The following DGLUCY variants were observed in gnomAD, a reference collection of about 807,000 sequenced individuals.
DGLUCY encodes the protein D-glutamate cyclase.
DGLUCY carries 58 observed loss-of-function variants against 58.5 expected under a neutral mutation model. That is an observed-to-expected ratio of 0.99 (90% CI 0.80 to 1.23). The LOEUF (loss-of-function observed/expected upper bound fraction) is 1.23. DGLUCY is among the 50% of genes most tolerant of loss of function. The pLI is 0.00. For missense variants in DGLUCY, 779 were observed against 784.7 expected (o/e 0.99, Z 0.09); for synonymous variants, 325 against 314.1 (o/e 1.03, Z -0.37).
chr14:91,116,394 T>C (rs761835524), intron 1 of DGLUCY, among the ~76,000 whole-genome samples: 1 of 152,224 alleles, frequency 6.6e-6, no homozygotes, highest in Non-Finnish European at 1.5e-5. Context: ...TGACTGCCCT[T>C]GGTCCTTCAG....
chr14:91,098,273 A>G (rs964598709), intron 1 of DGLUCY, among the ~76,000 whole-genome samples: 2 of 152,076 alleles, frequency 1.3e-5, no homozygotes, highest in African/African-American at 4.8e-5. Context: ...CCTGGGCAAC[A>G]TGGTGGGACC....
At chr14:91,210,954 T>C (rs1270112640) in intron 12 of DGLUCY, among the ~76,000 whole-genome samples, 1 of 152,174 alleles carries the variant, frequency 6.6e-6, no homozygotes, top group African/African-American at 2.4e-5. Flanking sequence ...TGATTGTCTG[T>C]GTAGAAAATT....
At chr14:91,139,550 T>C (rs2046532307) in intron 1 of DGLUCY, among the ~76,000 whole-genome samples, 1 of 152,182 alleles carries the variant, frequency 6.6e-6, no homozygotes, top group South Asian at 2.1e-4. Context: ...CTGGATGTGG[T>C]GGCTTGTGCC....
chr14:91,146,651 T>C (rs911730378), intron 1 of DGLUCY, among the ~76,000 whole-genome samples: 5 of 152,278 alleles, frequency 3.3e-5, no homozygotes, highest in African/African-American at 1.2e-4. Flanking sequence ...AAGACAAGGC[T>C]GATGCGGCTA....
rs757192393 is a variant in DGLUCY at position 91,176,061 on chromosome 14, G to A, written c.730+5G>A. On this transcript the variant is annotated splice_donor_5th_base_variant and intron_variant, in intron 7 of 13. Transcript: ENST00000256324. ...TCGGAGCTGTCAGCAGCTGTGGTAC[G>A]TTGGGGGATAATGGGACAATCGATC... 3 of 1,613,620 alleles carry A rather than the reference G, an allele frequency of 1.9e-6. No homozygotes were observed. Among genetic ancestry groups the A allele is most frequent in the South Asian group, 2.2e-5 (2 of 91,060 alleles).
chr14:91,090,466 G>A (rs924077056), intron 1 of DGLUCY, among the ~76,000 whole-genome samples: 5 of 152,032 alleles, frequency 3.3e-5, no homozygotes, highest in Non-Finnish European at 7.4e-5. Flanking sequence ...CATGACTTTG[G>A]CCATAAGCAT....
chr14:91,069,454 A>G (rs2043879654), intron 1 of DGLUCY, among the ~76,000 whole-genome samples: 1 of 151,436 alleles, frequency 6.6e-6, no homozygotes, highest in Admixed American at 6.6e-5. Flanking sequence ...TTTTTTTTGT[A>G]TTTTTAGTAG....
intron 1 of DGLUCY, among the ~76,000 whole-genome samples, chr14:91,097,328 G>A (rs1052552075): frequency 2.6e-5 from 4 of 152,138 alleles, no homozygotes; most frequent in African/African-American, 9.7e-5. Flanking sequence ...GCCAGGAGGT[G>A]GAGGTTGCAG....
intron 3 of DGLUCY, among the ~76,000 whole-genome samples, chr14:91,163,245 G>C (rs1286928747): frequency 6.6e-6 from 1 of 152,030 alleles, no homozygotes; most frequent in African/African-American, 2.4e-5. Context: ...GGGCGACAGA[G>C]TGAGACTCCG....
intron 12 of DGLUCY, among the ~76,000 whole-genome samples, chr14:91,211,825 G>C (rs1445141191): frequency 7.8e-6 from 1 of 127,632 alleles, no homozygotes; most frequent in African/African-American, 3.0e-5. Flanking sequence ...GATTGAGACT[G>C]TGTCTTGCTT....
chr14:91,060,730 C>T, intron 1 of DGLUCY: 1 of 280,212 alleles, frequency 3.6e-6, no homozygotes, highest in Non-Finnish European at 6.7e-6. Context: ...GAGCCGCCTT[C>T]GCTGATTGGA....
chr14:91,095,643 G>A lies in DGLUCY; in HGVS notation c.-82+34939G>A, dbSNP rs549086307. ...CTGGAGAAGCTATTCCCAAGGCAAA[G>A]AACAAAGACTTGCAATTATTTATAG... On this transcript the variant is annotated intron_variant, in intron 1 of 4. Coordinates refer to the DGLUCY transcript ENST00000521334. Among the ~76,000 whole-genome samples the A allele has an allele frequency of 2.0e-5, 3 of 152,276 alleles. No homozygotes were observed. The East Asian group carries it at 5.8e-4, about 29-fold the overall frequency.
At position 91,181,344 on chromosome 14, in the gene DGLUCY, T is replaced by G. The variant is rs758928845; in HGVS notation, c.889T>G (p.Ser297Ala). 2 of 1,614,058 alleles carry G rather than the reference T, an allele frequency of 1.2e-6. No individual in the cohort carries two copies. Among genetic ancestry groups the G allele is most frequent in the Non-Finnish European group, 1.7e-6 (2 of 1,180,028 alleles). The part of the protein sequence containing the change: ...LHYSIASVSA[S>A]QKIRELESMI... ...CTACAGCATCGCGTCAGTCTCTGCT[T>G]CTCAGAAGATCAGAGAACTAGAGTC... The change falls in exon 8 of 14, where the codon TCT becomes GCT. Residue 297 changes from serine (S) to alanine (A), a missense_variant. Transcript: ENST00000256324.
chr14:91,209,275 AC>A (rs1368243255), intron 12 of DGLUCY, among the ~76,000 whole-genome samples: 1 of 151,960 alleles, frequency 6.6e-6, no homozygotes, highest in African/African-American at 2.4e-5. Context: ...AACAACAACA[AC>A]GACGACAAAA....
At chr14:91,061,104 A>T (rs893367394) in intron 1 of DGLUCY, among the ~76,000 whole-genome samples, 1 of 152,118 alleles carries the variant, frequency 6.6e-6, no homozygotes, top group Admixed American at 6.5e-5. Context: ...ATCACCGTGG[A>T]CAGAGGAGGG....
In DGLUCY at chr14:91,224,690, A is replaced by G. The variant is rs1887975673; in HGVS notation, c.1723A>G (p.Lys575Glu). The change falls in exon 14 of 14, where the codon AAA becomes GAA. Residue 575 changes from lysine (K) to glutamate (E), a missense_variant. Lys to Glu is a moderately conservative substitution (Grantham distance 56). Transcript: ENST00000256324. ...CTGCCCTATTTTTTTCCAGGAAGAA[A>G]AAATGCTGGGCATCTTGGTGCAGCA... is the stretch of plus-strand genomic sequence containing the variant. Reference protein sequence around the residue: ...QALPSVIKEEKMLGILVQHKV... With the variant: ...QALPSVIKEEEMLGILVQHKV... 2.5e-6 allele frequency: 4 copies of G among 1,591,562 alleles called. No homozygotes were observed. The highest frequency in any genetic ancestry group is 1.7e-5 in the Admixed American group (1 of 58,900).
chr14:91,085,073 T>A (rs942702331), intron 1 of DGLUCY, among the ~76,000 whole-genome samples: 3 of 151,996 alleles, frequency 2.0e-5, no homozygotes. Flanking sequence ...ATGTTTGAAA[T>A]TAGCCTAGCA....
rs568194393 is a variant in DGLUCY, at chr14:91,187,978, A to G, written c.935-932A>G. Among the ~76,000 whole-genome samples the G allele has an allele frequency of 2.0e-5, 3 of 152,116 alleles. No individual in the cohort carries two copies. In the South Asian group the frequency reaches 6.2e-4, roughly 32 times the overall value. Reference sequence around the variant, plus strand: ...ATCCCCAGCTAATGGTGCTGTCTGTACCATTTCCCTTCCCTCTTATGTTTT... The same window carrying G: ...ATCCCCAGCTAATGGTGCTGTCTGTGCCATTTCCCTTCCCTCTTATGTTTT... On this transcript the variant is annotated intron_variant, in intron 8 of 13. Transcript: ENST00000256324.
intron 1 of DGLUCY, among the ~76,000 whole-genome samples, chr14:91,087,599 T>C (rs1214836432): frequency 6.6e-6 from 1 of 152,244 alleles, no homozygotes; most frequent in African/African-American, 2.4e-5. Flanking sequence ...TGTTTTTACC[T>C]TTCTCAACAT....
Sources: gnomAD v4.1 joint callset for allele counts (sites outside exome capture counted in the v4.1 genomes callset) on GRCh38, gnomAD v4.1.1 for gene constraint, MANE v1.5 for transcripts, NCBI Gene and HGNC (gene_info 2026-07-23, HGNC 2026-07-21) for gene names.